OASL: variants seen among roughly 807,000 people sequenced by gnomAD.
OASL encodes 2'-5'-oligoadenylate synthetase like.
In OASL, 28 loss-of-function variants were observed where a neutral mutation model predicts 35.3. The observed-to-expected ratio is 0.79, with a 90% CI of 0.59 to 1.09. The LOEUF (loss-of-function observed/expected upper bound fraction) is 1.09. OASL is among the 50% of genes least tolerant of loss of function. OASL has a pLI of 0.00. For missense variants in OASL, 620 were observed against 635.2 expected (o/e 0.98, Z 0.26); for synonymous variants, 252 against 254.6 (o/e 0.99, Z 0.10).
At chr12:121,039,084 C>G (rs1476526113) in exon 1 of OASL, 2 of 857,206 alleles carry the variant, frequency 2.3e-6, no homozygotes, top group Non-Finnish European at 1.8e-6. Context: ...CTCCAGTGCT[C>G]TGTGGGAGGA....
chr12:121,024,196 A>C (rs1869384042), intron 4 of OASL, 59 bp from the exon 5 acceptor site: 2 of 1,569,684 alleles, frequency 1.3e-6, no homozygotes, highest in East Asian at 4.5e-5. Flanking sequence ...TCAAGCCAGA[A>C]AAAAACCTTC....
At chr12:121,034,425 C>T (rs1278216645) in intron 1 of OASL, among the ~76,000 whole-genome samples, 1 of 152,182 alleles carries the variant, frequency 6.6e-6, no homozygotes, top group East Asian at 1.9e-4. Flanking sequence ...CTTGGCCTCC[C>T]CAAATGCCCA....
At chr12:121,026,184 G>A (rs1869477214) in intron 4 of OASL, among the ~76,000 whole-genome samples, 1 of 152,168 alleles carries the variant, frequency 6.6e-6, no homozygotes, top group Admixed American at 6.5e-5. Flanking sequence ...TCATGAGAGA[G>A]AGTGACAGAG....
At position 121,021,014 on chromosome 12, in the gene OASL, TG is replaced by T; in HGVS notation, c.1091del (p.Pro364GlnfsTer7). Reference sequence around the variant, plus strand: ...AAGGGTTCACGATGAGGTTGAAATCTGGGTAACCCCTCTGCTCCACTGTCAA... The same window carrying T: ...AAGGGTTCACGATGAGGTTGAAATCTGGTAACCCCTCTGCTCCACTGTCAA... On this transcript the variant is annotated frameshift_variant, in exon 6 of 6. Transcript: ENST00000257570. LOFTEE classifies it low-confidence loss of function (END_TRUNC). The T allele has an allele frequency of 6.2e-7, 1 of 1,610,748 alleles. No individual in the cohort carries two copies. The highest frequency in any genetic ancestry group is 8.5e-7 in the Non-Finnish European group (1 of 1,179,060).
chr12:121,028,515 A>G (rs1195251627), intron 3 of OASL, among the ~76,000 whole-genome samples: 1 of 152,146 alleles, frequency 6.6e-6, no homozygotes, highest in Non-Finnish European at 1.5e-5. Context: ...TTTGCCACCA[A>G]GAGGGAAACA....
downstream of OASL, among the ~76,000 whole-genome samples, chr12:121,018,118 A>G (rs1433974134): frequency 6.6e-6 from 1 of 152,104 alleles, no homozygotes; most frequent in African/African-American, 2.4e-5. Context: ...TCCCAAGGTG[A>G]TGGTATTAGG....
At chr12:121,031,934 T>C (rs1435420273) in intron 2 of OASL, among the ~76,000 whole-genome samples, 1 of 152,184 alleles carries the variant, frequency 6.6e-6, no homozygotes, top group Non-Finnish European at 1.5e-5. Flanking sequence ...CTTAAGCCTG[T>C]AATCCCAGCA....
At chr12:121,036,665 A>T (rs1408267476) in intron 1 of OASL, among the ~76,000 whole-genome samples, 1 of 152,116 alleles carries the variant, frequency 6.6e-6, no homozygotes, top group African/African-American at 2.4e-5. Flanking sequence ...ACACACACAC[A>T]CAATAAACTT....
At position 121,038,794 on chromosome 12, in the gene OASL, G is replaced by A. The variant is rs187675334; in HGVS notation, c.178C>T (p.Arg60Trp). The A allele has an allele frequency of 2.6e-4, 417 of 1,613,990 alleles. 3 individuals are homozygous for A. In the East Asian group the frequency reaches 8.6e-3, roughly 33 times the overall value. Residue 60 changes from arginine (R) to tryptophan (W), a missense_variant, in exon 1 of 6, where the codon CGG (arginine) becomes TGG (tryptophan). Physicochemically the swap from Arg to Trp is moderately radical, Grantham distance 101 (BLOSUM62 -3). Coordinates refer to ENST00000257570, the Ensembl canonical transcript of OASL. ...CTTACCTTGACTACCTTCAGCACCC[G>A]CACATCCTGGTCCAGCCCACGCTTC...
chr12:121,021,587 G>T (rs1214625791), intron 5 of OASL, among the ~76,000 whole-genome samples: 1 of 152,252 alleles, frequency 6.6e-6, no homozygotes, highest in East Asian at 1.9e-4. Flanking sequence ...AAGGCGGGCA[G>T]ATCACTTGAG....
intron 3 of OASL, 104 bp downstream of exon 3, chr12:121,031,331 ACCTGCTT>A: frequency 9.7e-7 from 1 of 1,028,292 alleles, no homozygotes; most frequent in Non-Finnish European, 1.4e-6. Context: ...CTCCCTCTCT[ACCTGCTT>A]CCATTTCCCC....
intron 1 of OASL, among the ~76,000 whole-genome samples, chr12:121,034,196 C>CT (rs10680000): frequency 0.4 from 58,535 of 146,694 alleles, 12,374 homozygotes; most frequent in South Asian, 0.54. Flanking sequence ...AGCCCAGACT[C>CT]TTTTTTTTTT....
At chr12:121,031,726 A>T in intron 2 of OASL, 109 bp from the exon 3 acceptor site, 1 of 847,092 alleles carries the variant, frequency 1.2e-6, no homozygotes, top group Non-Finnish European at 1.9e-6. Flanking sequence ...CCCTCCAGGG[A>T]CACTTGAGAC....
At chr12:121,036,378 C>T (rs757943501) in intron 1 of OASL, among the ~76,000 whole-genome samples, 2 of 152,182 alleles carry the variant, frequency 1.3e-5, no homozygotes, top group African/African-American at 2.4e-5. Context: ...TATTATTCCT[C>T]ATTAGTCATG....
chr12:121,021,865 G>A (rs868176022), intron 5 of OASL, among the ~76,000 whole-genome samples: 1 of 152,126 alleles, frequency 6.6e-6, no homozygotes, highest in African/African-American at 2.4e-5. Context: ...GCATTGCCAA[G>A]TTTTCTGACT....
intron 3 of OASL, among the ~76,000 whole-genome samples, chr12:121,029,954 C>G (rs924280038): frequency 6.6e-6 from 1 of 152,140 alleles, no homozygotes; most frequent in Admixed American, 6.5e-5. Context: ...ACTTACTTCA[C>G]CTCCGGGGCT....
At chr12:121,038,655 C>T (rs370236543) in intron 1 of OASL, 119 bp downstream of exon 1, 2 of 912,896 alleles carry the variant, frequency 2.2e-6, no homozygotes, top group African/African-American at 3.3e-5. Flanking sequence ...ATGGGGTATT[C>T]TGAGATGTCA....
chr12:121,033,500 G>A (rs764245634), exon 2 of OASL: 4 of 1,614,022 alleles, frequency 2.5e-6, no homozygotes, highest in African/African-American at 1.3e-5. Context: ...ACCGTGATGG[G>A]CTCCGCAGTC....
chr12:121,036,398 G>C (rs1043011497), intron 1 of OASL, among the ~76,000 whole-genome samples: 1 of 152,184 alleles, frequency 6.6e-6, no homozygotes, highest in Admixed American at 6.5e-5. Flanking sequence ...GGCTCACTGG[G>C]GATTGCTACC....
Sources: allele counts gnomAD v4.1 joint callset (sites outside exome capture counted in the v4.1 genomes callset), GRCh38; gene constraint gnomAD v4.1.1; transcripts MANE v1.5; gene names NCBI Gene and HGNC (gene_info 2026-07-23, HGNC 2026-07-21).